MBD5: variants seen among roughly 807,000 people sequenced by gnomAD.
MBD5 encodes the protein methyl-CpG-binding domain protein 5.
Under a neutral mutation model 117.3 loss-of-function variants are expected in MBD5, and 13 were observed. That is an observed-to-expected ratio of 0.11 (90% CI 0.07 to 0.18). The LOEUF (loss-of-function observed/expected upper bound fraction) is 0.18. Ranked by LOEUF, MBD5 falls within the 10% of genes least tolerant of loss-of-function variation. The pLI is 1.00. For synonymous variants in MBD5, 727 were observed against 766.4 expected (o/e 0.95, Z 0.85); for missense variants, 1,879 against 2,093.8 (o/e 0.90, Z 2.00).
intron 1 of MBD5, among the ~76,000 whole-genome samples, chr2:148,121,339 T>G (rs1412504323): frequency 6.6e-6 from 1 of 152,152 alleles, no homozygotes; most frequent in Non-Finnish European, 1.5e-5. Context: ...TTTTCACATG[T>G]ATAGCCTTTT....
At chr2:148,282,472 T>C (rs895902766) in intron 3 of MBD5, among the ~76,000 whole-genome samples, 2 of 152,084 alleles carry the variant, frequency 1.3e-5, no homozygotes, top group Non-Finnish European at 1.5e-5. Flanking sequence ...ATTTATGACA[T>C]GTCTGCTTCA....
chr2:148,228,869 T>C (rs1025973623), intron 2 of MBD5, among the ~76,000 whole-genome samples: 8 of 152,260 alleles, frequency 5.3e-5, no homozygotes, highest in Non-Finnish European at 1.2e-4. Flanking sequence ...TTTATCCATT[T>C]CTTCTAGATT....
chr2:148,166,264 T>C (rs1413403617), intron 1 of MBD5, among the ~76,000 whole-genome samples: 5 of 152,344 alleles, frequency 3.3e-5, no homozygotes, highest in African/African-American at 9.6e-5. Flanking sequence ...CTTTTTTTGC[T>C]TATGAGGGTT....
At chr2:148,298,482 A>G (rs114223935) in intron 3 of MBD5, among the ~76,000 whole-genome samples, 5,795 of 152,310 alleles carry the variant, frequency 0.038, 130 homozygotes, top group Non-Finnish European at 0.06. Context: ...GTCTTGCACA[A>G]ATGTTTCTTC....
At chr2:148,486,035 G>A in intron 10 of MBD5, 85 bp downstream of exon 10, 1 of 1,275,560 alleles carries the variant, frequency 7.8e-7, no homozygotes, top group South Asian at 1.2e-5. Flanking sequence ...GGTGAAAAAA[G>A]TAGGTTACGT....
At chr2:148,092,166 A>C (rs566060686) in intron 1 of MBD5, among the ~76,000 whole-genome samples, 25 of 152,142 alleles carry the variant, frequency 1.6e-4, no homozygotes, top group Non-Finnish European at 3.4e-4. Flanking sequence ...AAAATAACAG[A>C]TGTTGGCATG....
At chr2:148,138,375 G>A (rs1474181774) in intron 1 of MBD5, among the ~76,000 whole-genome samples, 1 of 152,134 alleles carries the variant, frequency 6.6e-6, no homozygotes, top group Non-Finnish European at 1.5e-5. Context: ...ATAGATTTCA[G>A]GCTTAAATTT....
intron 1 of MBD5, among the ~76,000 whole-genome samples, chr2:148,090,472 A>G (rs1038807502): frequency 6.6e-6 from 1 of 152,168 alleles, no homozygotes; most frequent in South Asian, 2.1e-4. Flanking sequence ...ATCCAACGGC[A>G]TATCAAAATG....
chr2:148,423,734 C>A (rs1705683101), intron 4 of MBD5, among the ~76,000 whole-genome samples: 1 of 152,058 alleles, frequency 6.6e-6, no homozygotes, highest in South Asian at 2.1e-4. Flanking sequence ...CTAAGTGCCC[C>A]AATTAAAAGA....
rs181671792 is a variant in MBD5, at chr2:148,484,934, A to T, written c.3544+799A>T. Among the ~76,000 whole-genome samples the T allele has an allele frequency of 3.9e-5, 6 of 152,190 alleles. No individual in the cohort carries two copies. The East Asian group carries it at 1.2e-3, about 29-fold the overall frequency. On this transcript the variant is annotated intron_variant, in intron 9 of 13. Coordinates refer to ENST00000642680, the MANE Select transcript of MBD5 (RefSeq NM_001378120.1). ...TTTGTTTATTATTTATGTGTTTTTGATTTTATGAATGCCTTTATAATATAG... is the reference window on the plus strand; with the variant it reads ...TTTGTTTATTATTTATGTGTTTTTGTTTTTATGAATGCCTTTATAATATAG...
At position 148,430,930 on chromosome 2, in the gene MBD5, A is replaced by G. The variant is rs376310310; in HGVS notation, c.-556-27273A>G. Reference sequence around the variant, plus strand: ...TTGTTTAAACAGAGAATTATCTAAAATTACTTATAATTAAACATTTTGTTT... The same window carrying G: ...TTGTTTAAACAGAGAATTATCTAAAGTTACTTATAATTAAACATTTTGTTT... On this transcript the variant is annotated intron_variant, in intron 4 of 13. Transcript: ENST00000642680. Among the ~76,000 whole-genome samples, 30 of 152,280 alleles carry G rather than the reference A, an allele frequency of 2.0e-4. No individual in the cohort carries two copies. In the South Asian group the frequency reaches 6.0e-3, roughly 30 times the overall value.
At chr2:148,144,367 A>G (rs1467757678) in intron 1 of MBD5, among the ~76,000 whole-genome samples, 1 of 151,932 alleles carries the variant, frequency 6.6e-6, no homozygotes, top group Non-Finnish European at 1.5e-5. Context: ...AGATGAGTAG[A>G]TTGCAAAAAT....
At chr2:148,337,280 G>GTACTC (rs1702822278) in intron 3 of MBD5, among the ~76,000 whole-genome samples, 3 of 151,788 alleles carry the variant, frequency 2.0e-5, no homozygotes, top group Admixed American at 2.0e-4. Context: ...GTTTTTAGTG[G>GTACTC]TATGTTTTTA....
intron 3 of MBD5, among the ~76,000 whole-genome samples, chr2:148,316,622 T>TA (rs1559019344): frequency 6.6e-6 from 1 of 152,200 alleles, no homozygotes; most frequent in African/African-American, 2.4e-5. Context: ...TCATATTTCT[T>TA]AAAAAAATTA....
chr2:148,093,833 G>C (rs1695999771), intron 1 of MBD5, among the ~76,000 whole-genome samples: 1 of 152,088 alleles, frequency 6.6e-6, no homozygotes, highest in South Asian at 2.1e-4. Context: ...TATCTTTGTT[G>C]TTTTGAGATG....
chr2:148,129,325 C>T (rs1040513625), intron 1 of MBD5, among the ~76,000 whole-genome samples: 1 of 151,966 alleles, frequency 6.6e-6, no homozygotes. Flanking sequence ...GAAACCCTGT[C>T]TCTACTAAAA....
chr2:148,276,346 A>C (rs1184764941), intron 3 of MBD5, among the ~76,000 whole-genome samples: 1 of 152,168 alleles, frequency 6.6e-6, no homozygotes, highest in Non-Finnish European at 1.5e-5. Context: ...ATAGAACTTT[A>C]TTTAGAAAAA....
chr2:148,462,453 CA>C, intron 5 of MBD5, 128 bp from the exon 6 acceptor site: 1 of 681,092 alleles, frequency 1.5e-6, no homozygotes, highest in East Asian at 2.7e-5. Context: ...ATAATATTGA[CA>C]AAGAAAATGC....
Position 148,294,501 on chromosome 2 carries a change from G to GTTTTT in MBD5, c.-679-47697_-679-47693dup, listed in dbSNP as rs58961481. On this transcript the variant is annotated intron_variant, in intron 3 of 13. Transcript: ENST00000642680. ...GGCCTCCCAAAGTGCTGGGATTACA[G>GTTTTT]TTTTTTTTTTTTTTTTTTTTGAGAT... Among the ~76,000 whole-genome samples, 16 of 113,214 alleles carry GTTTTT rather than the reference G, an allele frequency of 1.4e-4. 3 individuals carry two copies. The highest frequency in any genetic ancestry group is 5.9e-4 in the African/African-American group (16 of 27,230). The allele number at this position is 113,214 out of a possible 152,430, so 74.3% of individuals were successfully genotyped here.
Sources: gnomAD v4.1 joint callset for allele counts (sites outside exome capture counted in the v4.1 genomes callset) on GRCh38, gnomAD v4.1.1 for gene constraint, MANE v1.5 for transcripts, NCBI Gene and HGNC (gene_info 2026-07-23, HGNC 2026-07-21) for gene names.